MIIP: variants seen among roughly 807,000 people sequenced by gnomAD.
MIIP encodes migration and invasion-inhibitory protein.
Under a neutral mutation model 44.8 loss-of-function variants are expected in MIIP, and 44 were observed. The observed-to-expected ratio is 0.98, with a 90% CI of 0.77 to 1.26. MIIP has a LOEUF of 1.26. Among genes scored for constraint, MIIP ranks in the 50% most tolerant of loss-of-function variants. MIIP has a pLI of 0.00. For missense variants in MIIP, 496 were observed against 511.7 expected, an observed-to-expected ratio of 0.97 and a Z score of 0.30; for synonymous variants, 225 against 218.3, an observed-to-expected ratio of 1.03 and a Z score of -0.27.
chr1:12,031,223 GCTTGTCCCAGGTCAGGCA>G (rs763692947), intron 8 of MIIP, 25 bp from the exon 9 acceptor site: 1 of 1,590,908 alleles, frequency 6.3e-7, no homozygotes, highest in Non-Finnish European at 8.6e-7. Context: ...TCAGCGGGGA[GCTTGTCCCAGGTCAGGCA>G]CTTTTAACTC....
At chr1:12,022,807 T>G in intron 3 of MIIP, 26 bp from the exon 4 acceptor site, 1 of 1,572,818 alleles carries the variant, frequency 6.4e-7, no homozygotes, top group Non-Finnish European at 8.7e-7. Context: ...GGCTTAGTCC[T>G]TGTCCCTCTG....
intron 3 of MIIP, 111 bp from the exon 4 acceptor site, chr1:12,022,722 C>A (rs776652505): frequency 5.8e-6 from 5 of 866,212 alleles, no homozygotes; most frequent in Non-Finnish European, 9.1e-6. Flanking sequence ...GAGCCCTGGG[C>A]TGCAAGTCAG....
At chr1:12,019,781 A>G (rs1639930805) in intron 1 of MIIP, among the ~76,000 whole-genome samples, 1 of 152,116 alleles carries the variant, frequency 6.6e-6, no homozygotes, top group Non-Finnish European at 1.5e-5. Context: ...TTCCCTTTCC[A>G]AAGCGCGGCC....
chr1:12,031,340 G>A lies in MIIP; in HGVS notation c.1017G>A (p.Trp339Ter). The change falls in exon 9 of 10, where the codon TGG (tryptophan) becomes TGA (stop). Residue 339 changes from tryptophan (W) to a stop codon, truncating the protein, a stop_gained. Transcript: ENST00000235332. LOFTEE classifies it high-confidence loss of function. ...KSSAPRNLDL[W>*]SSVSAEAQHQ... ...CAGCCCCCAGGAACCTGGACCTCTGGTCCTCTGTCTCCGCTGAGGCCCAGC... is the reference window on the plus strand; with the variant it reads ...CAGCCCCCAGGAACCTGGACCTCTGATCCTCTGTCTCCGCTGAGGCCCAGC... The A allele has an allele frequency of 6.2e-7, 1 of 1,613,956 alleles. No individual in the cohort carries two copies. Among genetic ancestry groups the A allele is most frequent in the Non-Finnish European group, 8.5e-7 (1 of 1,179,934 alleles).
At chr1:12,031,664 T>TG in intron 9 of MIIP, 58 bp from the exon 10 acceptor site, 2 of 1,613,772 alleles carry the variant, frequency 1.2e-6, no homozygotes, top group Non-Finnish European at 1.7e-6. Context: ...TGGCTGGAAC[T>TG]GGGGATGACC....
At position 12,022,181 on chromosome 1, in the gene MIIP, A is replaced by C; in HGVS notation, c.201A>C (p.Pro67=). 1 of 1,613,658 alleles carries C rather than the reference A, an allele frequency of 6.2e-7. No individual in the cohort carries two copies. ...TSSTSLSTSC[P]RGRSSVWGPP... The stretch of plus-strand genomic sequence containing the variant: ...CAACTTCCTTGAGCACCTCCTGCCC[A>C]CGGGGCCGGTCCTCCGTGTGGGGCC... Residue 67 remains proline, a synonymous_variant, in exon 3 of 10, where the codon CCA becomes CCC. Transcript: ENST00000235332.
Position 12,022,314 on chromosome 1 carries a change from C to T in MIIP, c.334C>T (p.His112Tyr), listed in dbSNP as rs1414715199. 6.2e-7 allele frequency: 1 copy of T among 1,613,882 alleles called. No individual in the cohort carries two copies. Among genetic ancestry groups the T allele is most frequent in the Non-Finnish European group, 8.5e-7 (1 of 1,179,996 alleles). ...HQESLGRPRP[H>Y]SAPSLGTSSL... ...GGAGTCCCTGGGCCGACCGAGACCC[C>T]ACTCAGCACCCTCGCTGGGCACCTC... The change falls in exon 3 of 10, where the codon CAC becomes TAC. Residue 112 changes from histidine to tyrosine, a missense_variant. Transcript: ENST00000235332.
At position 12,029,213 on chromosome 1, in the gene MIIP, G is replaced by A. The variant is rs368228126; in HGVS notation, c.657-10G>A. The A allele has an allele frequency of 3.3e-5, 54 of 1,613,488 alleles. No individual in the cohort carries two copies. Among genetic ancestry groups the A allele is most frequent in the African/African-American group, 1.1e-4 (8 of 74,942 alleles). ...ATCCCCCGGCCTGCTCATCCCCCTC[G>A]CCCTCTCAGACCCCAGTTGCCAGGC... is the stretch of plus-strand genomic sequence containing the variant. On this transcript the variant is annotated splice_polypyrimidine_tract_variant and intron_variant, in intron 5 of 9. Coordinates refer to ENST00000235332, the MANE Select transcript of MIIP (RefSeq NM_021933.4).
In MIIP at chr1:12,024,958, C is replaced by T. The variant is rs138103848; in HGVS notation, c.547+2041C>T. On this transcript the variant is annotated intron_variant, in intron 4 of 9. Coordinates refer to ENST00000235332, the MANE Select transcript of MIIP (RefSeq NM_021933.4). The stretch of plus-strand genomic sequence containing the variant: ...ATCATATAGCCTTTGTTCTTTTGTA[C>T]TGGCTTATTTTATTTAACATAACGG... Among the ~76,000 whole-genome samples, 143 of 150,872 alleles carry T rather than the reference C, an allele frequency of 9.5e-4. 1 individual carries two copies. In the East Asian group the frequency reaches 0.013, roughly 13 times the overall value.
intron 9 of MIIP, 146 bp downstream of exon 9, chr1:12,031,549 C>G: frequency 1.3e-6 from 2 of 1,577,322 alleles, no homozygotes; most frequent in Non-Finnish European, 1.7e-6. Context: ...AGGGTCCAGC[C>G]CTCCAGCCCT....
In MIIP at chr1:12,031,472, G is replaced by GGACT. The variant is rs550144718; in HGVS notation, c.1080+71_1080+74dup. 8 of 1,575,880 alleles carry GGACT rather than the reference G, an allele frequency of 5.1e-6. No homozygotes were observed. The South Asian group carries it at 9.3e-5, about 18-fold the overall frequency. ...GACAGAGACCTCGCAGCAGGCCTGGGGACTGCAGAGCCTCCTGGGGGGTAG... is the reference window on the plus strand; with the variant it reads ...GACAGAGACCTCGCAGCAGGCCTGGGGACTGACTGCAGAGCCTCCTGGGGGGTAG... On this transcript the variant is annotated intron_variant, in intron 9 of 9. Coordinates refer to ENST00000235332, the MANE Select transcript of MIIP (RefSeq NM_021933.4).
intron 8 of MIIP, among the ~76,000 whole-genome samples, chr1:12,030,585 C>T (rs1164123002): frequency 1.6e-5 from 2 of 125,834 alleles, no homozygotes; most frequent in African/African-American, 3.1e-5. Context: ...TTTTTGAGAC[C>T]GAGTTTTGTT....
intron 1 of MIIP, among the ~76,000 whole-genome samples, chr1:12,021,390 T>C (rs1210707388): frequency 3.4e-5 from 5 of 147,482 alleles, no homozygotes; most frequent in African/African-American, 1.3e-4. Context: ...CAAGACTCCA[T>C]CTCAAAAAAA....
chr1:12,026,558 C>A (rs1384885156), intron 4 of MIIP, among the ~76,000 whole-genome samples: 1 of 152,222 alleles, frequency 6.6e-6, no homozygotes, highest in African/African-American at 2.4e-5. Context: ...GCTTCTGGCT[C>A]CTCCAGGGTT....
In MIIP at chr1:12,022,357, A is replaced by G. The variant is rs368612162; in HGVS notation, c.377A>G (p.Glu126Gly). The change falls in exon 3 of 10, where the codon GAG becomes GGG. Residue 126 changes from glutamate to glycine, a missense_variant. By Grantham distance (98) the Glu-to-Gly change is moderately conservative. Transcript: ENST00000235332. The part of the protein sequence containing the change: ...SLGTSSLRDP[E>G]PSGRLGDPGP... ...GGCACCTCAAGCCTGAGGGACCCAG[A>G]GCCCTCAGGGAGGCTGGGTGATCCA... 31 of 1,613,516 alleles carry G rather than the reference A, an allele frequency of 1.9e-5. No homozygotes were observed. The highest frequency in any genetic ancestry group is 1.6e-4 in the Middle Eastern group (1 of 6,082).
At chr1:12,025,959 A>G (rs1640097386) in intron 4 of MIIP, among the ~76,000 whole-genome samples, 2 of 151,468 alleles carry the variant, frequency 1.3e-5, no homozygotes, top group African/African-American at 2.4e-5. Context: ...TGGCCTCCCA[A>G]AGTGCTGGGA....
intron 4 of MIIP, among the ~76,000 whole-genome samples, chr1:12,025,133 C>T (rs1640078280): frequency 6.9e-6 from 1 of 145,748 alleles, no homozygotes; most frequent in South Asian, 2.2e-4. Flanking sequence ...GATCTCGGCT[C>T]ACTGCAACCT....
intron 3 of MIIP, 81 bp from the exon 4 acceptor site, chr1:12,022,752 T>C: frequency 9.1e-7 from 1 of 1,099,598 alleles, no homozygotes; most frequent in East Asian, 2.6e-5. Flanking sequence ...TAAGACACAG[T>C]CTCTCTGTCC....
At chr1:12,029,428 G>T in intron 6 of MIIP, 147 bp downstream of exon 6, 1 of 957,322 alleles carries the variant, frequency 1.0e-6, no homozygotes, top group Admixed American at 2.6e-5. Flanking sequence ...CTGCAGTCTG[G>T]ACAGGGTGGC....
Sources: allele counts gnomAD v4.1 joint callset (sites outside exome capture counted in the v4.1 genomes callset), GRCh38; gene constraint gnomAD v4.1.1; transcripts MANE v1.5; gene names NCBI Gene and HGNC (gene_info 2026-07-23, HGNC 2026-07-21).